NXPE3: variants seen among roughly 807,000 people sequenced by gnomAD.
NXPE3 encodes neurexophilin and PC-esterase domain family member 3.
NXPE3 carries 26 observed loss-of-function variants against 46.1 expected under a neutral mutation model. The observed-to-expected ratio is 0.56, with a 90% CI of 0.41 to 0.78. NXPE3 has a LOEUF of 0.78. Ranked by LOEUF, NXPE3 falls within the 30% of genes least tolerant of loss-of-function variation. NXPE3 has a pLI of 0.00. For missense variants in NXPE3, 620 were observed against 686.0 expected, an observed-to-expected ratio of 0.90 and a Z score of 1.07; for synonymous variants, 272 against 257.9, an observed-to-expected ratio of 1.05 and a Z score of -0.52.
In NXPE3 at chr3:101,827,729, G is replaced by A. The variant is rs556549614; in HGVS notation, c.*5775G>A. Among the ~76,000 whole-genome samples, 4 of 152,252 alleles carry A rather than the reference G, an allele frequency of 2.6e-5. No homozygotes were observed. In the South Asian group the frequency reaches 8.3e-4, roughly 32 times the overall value. On this transcript the variant is annotated 3_prime_UTR_variant, in exon 8 of 8. Coordinates refer to ENST00000273347, the MANE Select transcript of NXPE3 (RefSeq NM_145037.4). ...CCAGGTCTTGGAGCCGGCCCTCGAG[G>A]GGAATGTCCGGGACTCGGGTCGGTA... is the stretch of plus-strand genomic sequence containing the variant.
chr3:101,806,952 G>A, intron 5 of NXPE3, 101 bp from the exon 6 acceptor site: 1 of 803,730 alleles, frequency 1.2e-6, no homozygotes, highest in East Asian at 2.5e-5. Context: ...ATCATAATAA[G>A]GCTCCGTGAA....
intron 1 of NXPE3, among the ~76,000 whole-genome samples, chr3:101,781,006 T>A (rs1409887242): frequency 6.6e-6 from 1 of 152,240 alleles, no homozygotes; most frequent in Non-Finnish European, 1.5e-5. Flanking sequence ...CAGTTCTTCA[T>A]TCTGTAGATC....
intron 4 of NXPE3, among the ~76,000 whole-genome samples, chr3:101,795,832 T>A (rs1412844414): frequency 6.6e-6 from 1 of 152,224 alleles, no homozygotes; most frequent in Admixed American, 6.5e-5. Flanking sequence ...TCTGTAAGCC[T>A]CTTAACTGTG....
chr3:101,780,028 A>G (rs1242469219), intron 1 of NXPE3: 1 of 152,276 alleles, frequency 6.6e-6, no homozygotes, highest in Admixed American at 6.5e-5. Flanking sequence ...GGATTTATGC[A>G]GCATTTGTGC....
rs1044184906 is a variant in NXPE3, at chr3:101,806,342, C to T, written c.849-711C>T. Among the ~76,000 whole-genome samples, 20 of 152,178 alleles carry T rather than the reference C, an allele frequency of 1.3e-4. No individual in the cohort carries two copies. The South Asian group carries it at 3.3e-3, about 25-fold the overall frequency. ...TTTCTGGAATAGTTGCCCCGGATTT[C>T]GAGTGCTTTTCTCCTTACCTCCACC... On this transcript the variant is annotated intron_variant, in intron 5 of 7. Transcript: ENST00000273347.
In NXPE3 at chr3:101,801,431, T is replaced by C; in HGVS notation, c.290T>C (p.Phe97Ser). ...RQVPDVGPVP[F>S]VKSTDPSSSY... Reference sequence around the variant, plus strand: ...GTTCCTGATGTGGGCCCAGTCCCCTTTGTGAAGAGCACTGACCCTTCTTCC... The same window carrying C: ...GTTCCTGATGTGGGCCCAGTCCCCTCTGTGAAGAGCACTGACCCTTCTTCC... The change falls in exon 5 of 8, where the codon TTT becomes TCT. Residue 97 changes from phenylalanine (F) to serine (S), a missense_variant. This residue lies in a region of NXPE3 where 511 missense variants were observed against 528.6 expected (regional missense o/e 0.97). Coordinates refer to ENST00000273347, the MANE Select transcript of NXPE3 (RefSeq NM_145037.4). 1 of 1,614,166 alleles carries C rather than the reference T, an allele frequency of 6.2e-7. No homozygotes were observed. The highest frequency in any genetic ancestry group is 8.5e-7 in the Non-Finnish European group (1 of 1,180,032).
chr3:101,802,342 A>G (rs593666), intron 5 of NXPE3, among the ~76,000 whole-genome samples: 149,706 of 152,226 alleles, frequency 0.98, 73,657 homozygotes, highest in East Asian at 1. Context: ...TAAGGGTCAG[A>G]TGTGGTGACT....
In NXPE3 at chr3:101,822,554, T is replaced by A. The variant is rs1942305169; in HGVS notation, c.*600T>A. On this transcript the variant is annotated 3_prime_UTR_variant, in exon 8 of 8. Coordinates refer to ENST00000273347, the MANE Select transcript of NXPE3 (RefSeq NM_145037.4). ...AGTGAATATTTACAATTTCCTGCTTTTATCTAGAAAAGAAGCAAAAGGGAA... is the reference window on the plus strand; with the variant it reads ...AGTGAATATTTACAATTTCCTGCTTATATCTAGAAAAGAAGCAAAAGGGAA... 6.6e-6 allele frequency: 1 copy of A among 152,270 alleles called. No individual in the cohort carries two copies. Among genetic ancestry groups the A allele is most frequent in the Non-Finnish European group, 1.5e-5 (1 of 68,108 alleles). The allele number at this position is 152,270 out of a possible 1,614,324, so 9.4% of individuals were successfully genotyped here. A position where few individuals can be genotyped will look rare whatever the true frequency, so the allele number is the denominator to read the frequency against.
chr3:101,809,920 A>C (rs1459726144), intron 6 of NXPE3, among the ~76,000 whole-genome samples: 1 of 152,198 alleles, frequency 6.6e-6, no homozygotes, highest in Non-Finnish European at 1.5e-5. Context: ...AGGGGTTTAC[A>C]GTATTTCTAC....
At chr3:101,808,958 C>A (rs1941583301) in intron 6 of NXPE3, among the ~76,000 whole-genome samples, 1 of 150,866 alleles carries the variant, frequency 6.6e-6, no homozygotes, top group South Asian at 2.1e-4. Flanking sequence ...CTCTCCATGT[C>A]CGACATCTTC....
rs1207474008 is a variant in NXPE3, at chr3:101,785,616, A to G, written c.20A>G (p.Lys7Arg). 1 of 1,613,954 alleles carries G rather than the reference A, an allele frequency of 6.2e-7. No homozygotes were observed. Among genetic ancestry groups the G allele is most frequent in the East Asian group, 2.2e-5 (1 of 44,892 alleles). MWTNFF[K>R]LRLFCCLLAV... Reference sequence around the variant, plus strand: ...CAGACAATGTGGACCAATTTCTTCAAACTACGGCTTTTCTGCTGTCTGCTT... The same window carrying G: ...CAGACAATGTGGACCAATTTCTTCAGACTACGGCTTTTCTGCTGTCTGCTT... The change falls in exon 4 of 8, where the codon AAA (lysine) becomes AGA (arginine). Residue 7 changes from lysine to arginine, a missense_variant. Lys to Arg is a conservative substitution (Grantham distance 26). This residue lies in a region of NXPE3 where 511 missense variants were observed against 528.6 expected (regional missense o/e 0.97). Coordinates refer to ENST00000273347, the MANE Select transcript of NXPE3 (RefSeq NM_145037.4).
chr3:101,781,621 G>A (rs1400048593), intron 1 of NXPE3: 4 of 152,260 alleles, frequency 2.6e-5, no homozygotes, highest in African/African-American at 9.6e-5. Context: ...CTTTTTGCTT[G>A]TTCTTTGCAC....
intron 7 of NXPE3, among the ~76,000 whole-genome samples, chr3:101,818,753 A>ATT (rs1186102474): frequency 2.4e-4 from 3 of 12,258 alleles, no homozygotes; most frequent in Admixed American, 2.2e-3. Flanking sequence ...ATATATATAT[A>ATT]TTTTTTTTTT....
Position 101,821,456 on chromosome 3 carries a change from A to G in NXPE3, c.1182A>G (p.Ala394=). ...CCAAGAATGTGGGTCCCTTCCTTGC[A>G]GTGGACCAGAAGCACAACATCCTGC... ...GSPKNVGPFL[A]VDQKHNILLK... is the part of the protein sequence containing the mutation. The change falls in exon 8 of 8, where the codon GCA becomes GCG. Residue 394 remains alanine, a synonymous_variant. Transcript: ENST00000273347. The G allele has an allele frequency of 3.7e-6, 6 of 1,614,206 alleles. No homozygotes were observed. Among genetic ancestry groups the G allele is most frequent in the Non-Finnish European group, 5.1e-6 (6 of 1,180,032 alleles).
chr3:101,822,845 T>TGTTG lies in NXPE3; in HGVS notation c.*891_*892insGTTG, dbSNP rs35072117. On this transcript the variant is annotated 3_prime_UTR_variant, in exon 8 of 8. Transcript: ENST00000273347. ...TCCACTAGTTTCAGGTGTTTTTTTT[T>TGTTG]TTGTTGTTGTTGTTGTTATTTTGAA... The TGTTG allele has an allele frequency of 2.0e-5, 3 of 151,384 alleles. No individual in the cohort carries two copies. The highest frequency in any genetic ancestry group is 6.6e-5 in the Admixed American group (1 of 15,220). 9.4% of individuals were successfully genotyped at this position (151,384 alleles called of 1,614,324 possible). A position where few individuals can be genotyped will look rare whatever the true frequency, so the allele number is the denominator to read the frequency against.
chr3:101,814,924 G>A (rs78206175), intron 6 of NXPE3, among the ~76,000 whole-genome samples: 1 of 152,194 alleles, frequency 6.6e-6, no homozygotes, highest in Non-Finnish European at 1.5e-5. Flanking sequence ...TACTAGCTCA[G>A]CTCTGGGACC....
In NXPE3 at chr3:101,793,107, T is replaced by C. The variant is rs117754471; in HGVS notation, c.93+7418T>C. Among the ~76,000 whole-genome samples the C allele has an allele frequency of 3.5e-4, 54 of 152,352 alleles. No individual in the cohort carries two copies. The East Asian group carries it at 0.01, about 28-fold the overall frequency. On this transcript the variant is annotated intron_variant, in intron 4 of 7. Transcript: ENST00000273347. ...TAGGAATGCTGGTGATTTTTGTACA[T>C]TGTTTTTGTATTCTGAAACTTTGCT...
rs765912363 is a variant in NXPE3, at chr3:101,821,390, T to G, written c.1130-14T>G. On this transcript the variant is annotated splice_polypyrimidine_tract_variant and intron_variant, in intron 7 of 7. Coordinates refer to ENST00000273347, the MANE Select transcript of NXPE3 (RefSeq NM_145037.4). ...TTTGAAGGTTTTTATGAACTTGAGT[T>G]TTCCTTGTTTCAGATTTAGTGGAGT... is the stretch of plus-strand genomic sequence containing the variant. 3 of 1,604,318 alleles carry G rather than the reference T, an allele frequency of 1.9e-6. No homozygotes were observed. Among genetic ancestry groups the G allele is most frequent in the Non-Finnish European group, 2.6e-6 (3 of 1,172,460 alleles).
At chr3:101,788,382 G>A (rs1350576945) in intron 4 of NXPE3, among the ~76,000 whole-genome samples, 1 of 152,152 alleles carries the variant, frequency 6.6e-6, no homozygotes, top group African/African-American at 2.4e-5. Context: ...TACTTTGGAT[G>A]TAGTCCAGTT....
Sources: allele counts gnomAD v4.1 joint callset (sites outside exome capture counted in the v4.1 genomes callset), GRCh38; gene constraint gnomAD v4.1.1; regional missense constraint gnomAD v4.1.1; transcripts MANE v1.5; gene names NCBI Gene and HGNC (gene_info 2026-07-23, HGNC 2026-07-21).